The following NUMA1 variants were observed in gnomAD, a reference collection of about 807,000 sequenced individuals.
The protein encoded by NUMA1 is SP-H antigen.
A neutral mutation model predicts 237.1 loss-of-function variants in NUMA1; 62 were observed. That is an observed-to-expected ratio of 0.26 (90% confidence interval 0.21 to 0.32). The LOEUF (loss-of-function observed/expected upper bound fraction) is 0.32, where lower values mean the gene tolerates loss of function less well. Among genes scored for constraint, NUMA1 ranks in the 10% least tolerant of loss-of-function variants. The pLI is 1.00. For missense variants in NUMA1, 2,533 were observed against 2,666.5 expected, an observed-to-expected ratio of 0.95 and a Z score of 1.10; for synonymous variants, 1,028 against 1,066.1, an observed-to-expected ratio of 0.96 and a Z score of 0.70.
chr11:72,077,274 C>T (rs1943753136), intron 1 of NUMA1, among the ~76,000 whole-genome samples: 2 of 151,966 alleles, frequency 1.3e-5, no homozygotes, highest in Admixed American at 1.3e-4. Context: ...ACTATATGCC[C>T]CCAGTATATA....
intron 2 of NUMA1, among the ~76,000 whole-genome samples, chr11:72,046,499 G>A (rs6592458): frequency 0.89 from 134,507 of 151,798 alleles, 59,888 homozygotes; most frequent in Non-Finnish European, 0.95. Flanking sequence ...AGCCGAGATC[G>A]TGCCATTGCA....
intron 24 of NUMA1, 105 bp downstream of exon 24, chr11:72,004,535 A>C: frequency 7.7e-7 from 1 of 1,297,898 alleles, no homozygotes; most frequent in Non-Finnish European, 1.1e-6. Flanking sequence ...AGGGAAAGAG[A>C]GGGGGAAGTG....
intron 2 of NUMA1, chr11:72,050,529 T>G (rs190799475): frequency 6.6e-6 from 1 of 152,268 alleles, no homozygotes; most frequent in African/African-American, 2.4e-5. Flanking sequence ...TGCTAGGGAT[T>G]TGAACAAACT....
Position 72,005,344 on chromosome 11 carries a change from A to G in NUMA1, c.5718T>C (p.Thr1906=), listed in dbSNP as rs1231482442. ...PPGRNSFYMG[T]CQDEPEQLDD... ...CCAGCTGCTCAGGCTCATCCTGGCA[A>G]GTGCCCATGTAGAAGCTGTTCCTTC... Residue 1906 remains threonine, a synonymous_variant, in exon 23 of 27, where the codon ACT becomes ACC. Coordinates refer to ENST00000393695, the MANE Select transcript of NUMA1 (RefSeq NM_006185.4). 1.2e-6 allele frequency: 2 copies of G among 1,608,326 alleles called. No individual in the cohort carries two copies. Among genetic ancestry groups the G allele is most frequent in the Admixed American group, 3.4e-5 (2 of 59,116 alleles).
chr11:72,079,218 A>G (rs755386537), intron 1 of NUMA1, among the ~76,000 whole-genome samples: 18 of 152,200 alleles, frequency 1.2e-4, no homozygotes, highest in Admixed American at 2.0e-4. Context: ...CGTTATCTAG[A>G]AGGGCAGACA....
intron 13 of NUMA1, chr11:72,017,329 T>C: frequency 3.0e-6 from 1 of 338,964 alleles, no homozygotes; most frequent in Non-Finnish European, 5.8e-6. Flanking sequence ...TGAAGTGCTT[T>C]ACATACGTTT....
Position 72,014,913 on chromosome 11 carries a change from C to T in NUMA1, c.2590G>A (p.Glu864Lys), listed in dbSNP as rs2135008397. 3 of 1,614,202 alleles carry T rather than the reference C, an allele frequency of 1.9e-6. No individual in the cohort carries two copies. Among genetic ancestry groups the T allele is most frequent in the East Asian group, 2.2e-5 (1 of 44,890 alleles). ...TTCTGCTGCCGGCTTATCTGGAGCT[C>T]GCTGTGGGATTCTATGCCTGCCACC... ...EKVAGIESHS[E>K]LQISRQQNEL... is the part of the protein sequence containing the mutation. Residue 864 changes from glutamate to lysine, a missense_variant, in exon 15 of 27, where the codon GAG (glutamate) becomes AAG (lysine). By Grantham distance (56) the Glu-to-Lys change is moderately conservative. This residue lies in a region of NUMA1 where 1,414 missense variants were observed against 1,508.1 expected (regional missense o/e 0.94). Coordinates refer to ENST00000393695, the MANE Select transcript of NUMA1 (RefSeq NM_006185.4). This position sits in a 1 kb window ranked among gnomAD's most constrained non-coding sequence, Gnocchi z 4.6.
intron 8 of NUMA1, 100 bp downstream of exon 8, chr11:72,021,104 T>C (rs1332604774): frequency 2.1e-6 from 2 of 930,342 alleles, no homozygotes; most frequent in South Asian, 1.4e-5. Context: ...CTGCCTTGTG[T>C]TGGGGACAGA....
intron 1 of NUMA1, among the ~76,000 whole-genome samples, chr11:72,078,305 G>C (rs1186361479): frequency 6.6e-6 from 1 of 152,234 alleles, no homozygotes; most frequent in Non-Finnish European, 1.5e-5. Context: ...CACTGGGTAA[G>C]AGGCTAAATT....
intron 4 of NUMA1, 133 bp downstream of exon 4, chr11:72,029,072 C>T: frequency 1.6e-6 from 1 of 610,268 alleles, no homozygotes; most frequent in Non-Finnish European, 2.8e-6. Flanking sequence ...AGGCCCCACC[C>T]TGGCTTATGA....
Position 72,014,798 on chromosome 11 carries a change from A to G in NUMA1, c.2705T>C (p.Leu902Pro), listed in dbSNP as rs760477283. Reference sequence around the variant, plus strand: ...AGCCATCTTTTCCTGCAGAGTGGAGAGGTCATCTGCAAGCTTCTGGGCCCT... The same window carrying G: ...AGCCATCTTTTCCTGCAGAGTGGAGGGGTCATCTGCAAGCTTCTGGGCCCT... Reference protein sequence around the residue: ...EVRAQKLADDLSTLQEKMAAT... With the variant: ...EVRAQKLADDPSTLQEKMAAT... The change falls in exon 15 of 27, where the codon CTC becomes CCC. Residue 902 changes from leucine (L) to proline (P), a missense_variant. Physicochemically the swap from Leu to Pro is moderately conservative, Grantham distance 98. Transcript: ENST00000393695. The surrounding 1 kb of genome is among the most constrained non-coding windows in gnomAD (Gnocchi z 4.6). The G allele has an allele frequency of 1.2e-6, 2 of 1,614,012 alleles. No individual in the cohort carries two copies. The highest frequency in any genetic ancestry group is 1.7e-6 in the Non-Finnish European group (2 of 1,179,974).
intron 20 of NUMA1, chr11:72,007,712 G>A (rs148713754): frequency 3.1e-4 from 151 of 491,166 alleles, no homozygotes; most frequent in African/African-American, 2.5e-3. Context: ...CAGCAAACAC[G>A]TCCCAATCTA....
chr11:72,061,365 T>A (rs958406274), intron 2 of NUMA1, among the ~76,000 whole-genome samples: 37 of 152,272 alleles, frequency 2.4e-4, no homozygotes, highest in African/African-American at 8.2e-4. Flanking sequence ...AGGTCTGGTA[T>A]ATAATCCCAA....
intron 1 of NUMA1, 114 bp downstream of exon 1, chr11:72,080,344 C>G (rs998061052): frequency 7.0e-6 from 1 of 142,370 alleles, no homozygotes; most frequent in Non-Finnish European, 1.5e-5. Flanking sequence ...CCCTTTCGGA[C>G]TCGGTTATGG....
intron 3 of NUMA1, among the ~76,000 whole-genome samples, chr11:72,032,371 C>A (rs1940457113): frequency 6.6e-6 from 1 of 152,150 alleles, no homozygotes; most frequent in Non-Finnish European, 1.5e-5. Flanking sequence ...GGCCAAGATT[C>A]CATTTTACCT....
At chr11:72,010,334 T>C (rs1956059871) in intron 17 of NUMA1, among the ~76,000 whole-genome samples, 1 of 152,208 alleles carries the variant, frequency 6.6e-6, no homozygotes, top group South Asian at 2.1e-4. Flanking sequence ...TAAACTGCAC[T>C]GTAATATTCA....
At chr11:72,004,932 C>T in intron 23 of NUMA1, 116 bp from the exon 24 acceptor site, 1 of 1,077,528 alleles carries the variant, frequency 9.3e-7, no homozygotes, top group Non-Finnish European at 1.3e-6. Flanking sequence ...CCCTTCCTGC[C>T]TCACGAGGTA....
Position 72,024,255 on chromosome 11 carries a change from G to A in NUMA1, c.208+19C>T, listed in dbSNP as rs118025006. 1.3e-5 allele frequency: 21 copies of A among 1,611,142 alleles called. No homozygotes were observed. The highest frequency in any genetic ancestry group is 1.8e-5 in the Non-Finnish European group (21 of 1,177,402). ...CTGAGGAAGCAGCTTCTTCATAGCT[G>A]GATAAGAAAGGTGCTTACTCTGCAG... On this transcript the variant is annotated intron_variant, in intron 5 of 26. Transcript: ENST00000393695.
chr11:72,010,018 G>A (rs974909688), intron 17 of NUMA1, among the ~76,000 whole-genome samples: 1 of 152,228 alleles, frequency 6.6e-6, no homozygotes, highest in East Asian at 1.9e-4. Context: ...GCCAACAAGT[G>A]CTTTGCTGTA....
Sources: gnomAD v4.1 joint callset for allele counts (sites outside exome capture counted in the v4.1 genomes callset) on GRCh38, gnomAD v4.1.1 for gene constraint, gnomAD v4.1.1 regional missense constraint, Gnocchi (gnomAD v3.1) non-coding constraint, MANE v1.5 for transcripts, NCBI Gene and HGNC (gene_info 2026-07-23, HGNC 2026-07-21) for gene names.